Variants in MAP3K5 observed in about 807,000 individuals in gnomAD.
MAP3K5 encodes mitogen-activated protein kinase kinase kinase 5, also known as ASK-1.
A neutral mutation model predicts 158.7 loss-of-function variants in MAP3K5; 56 were observed. That is an observed-to-expected ratio of 0.35 (90% confidence interval 0.28 to 0.44). The LOEUF (loss-of-function observed/expected upper bound fraction) is 0.44. Ranked by LOEUF, MAP3K5 falls within the 20% of genes least tolerant of loss-of-function variation. The probability of loss-of-function intolerance (pLI) is 1.00; values close to 1 mark genes in which losing one functional copy is unlikely to be tolerated. For missense variants in MAP3K5, 1,294 were observed against 1,674.8 expected, an observed-to-expected ratio of 0.77 and a Z score of 3.97; for synonymous variants, 579 against 601.7, an observed-to-expected ratio of 0.96 and a Z score of 0.55.
intron 1 of MAP3K5, among the ~76,000 whole-genome samples, chr6:136,741,252 T>C (rs1782694758): frequency 6.6e-6 from 1 of 152,190 alleles, no homozygotes; most frequent in Non-Finnish European, 1.5e-5. Context: ...CACACGGAGA[T>C]ACTAACCATT....
chr6:136,791,875 A>C lies in MAP3K5; in HGVS notation c.283T>G (p.Tyr95Asp), dbSNP rs1162262085. 6.2e-7 allele frequency: 1 copy of C among 1,613,490 alleles called. No individual in the cohort carries two copies. The highest frequency in any genetic ancestry group is 2.2e-5 in the East Asian group (1 of 44,842). Residue 95 changes from tyrosine to aspartate, a missense_variant, in exon 1 of 30, where the codon TAT becomes GAT. Coordinates refer to ENST00000359015, the MANE Select transcript of MAP3K5 (RefSeq NM_005923.4). ...CCTTGGCTCGCTTCGTTGATCACAT[A>C]TGCCACCGTGGTCCGTCGGCTGCCC... is the stretch of plus-strand genomic sequence containing the variant. Reference protein sequence around the residue: ...GGGSRRTTVAYVINEASQGQL... With the variant: ...GGGSRRTTVADVINEASQGQL...
intron 21 of MAP3K5, among the ~76,000 whole-genome samples, chr6:136,594,707 A>G (rs1266384373): frequency 1.3e-5 from 2 of 152,158 alleles, no homozygotes; most frequent in Admixed American, 1.3e-4. Flanking sequence ...TTCATATTTC[A>G]AAGACAAAAT....
intron 7 of MAP3K5, among the ~76,000 whole-genome samples, chr6:136,692,455 C>T (rs1780428295): frequency 6.6e-6 from 1 of 152,096 alleles, no homozygotes. Flanking sequence ...TCCCTGCAGA[C>T]CAGGGAATGT....
rs763473324 is a variant in MAP3K5, at chr6:136,567,890, T to A, written c.3518-16A>T. The stretch of plus-strand genomic sequence containing the variant: ...GGCCTTAGTTCTGTTTGGCATAATA[T>A]CAGTGGTAGTGTTTATAAAATATGA... On this transcript the variant is annotated splice_polypyrimidine_tract_variant and intron_variant, in intron 25 of 29. Coordinates refer to ENST00000359015, the MANE Select transcript of MAP3K5 (RefSeq NM_005923.4). 6.2e-6 allele frequency: 10 copies of A among 1,611,734 alleles called. No homozygotes were observed. The highest frequency in any genetic ancestry group is 1.6e-4 in the Middle Eastern group (1 of 6,068).
At chr6:136,616,366 G>A (rs1173007348) in intron 15 of MAP3K5, among the ~76,000 whole-genome samples, 2 of 147,806 alleles carry the variant, frequency 1.4e-5, no homozygotes, top group East Asian at 2.0e-4. Context: ...GTGCAATGGC[G>A]TGATCTCAGC....
chr6:136,622,886 G>C lies in MAP3K5; in HGVS notation c.2112C>G (p.Val704=). The change falls in exon 15 of 30, where the codon GTC becomes GTG. Residue 704 remains valine (V), a synonymous_variant. Coordinates refer to ENST00000359015, the MANE Select transcript of MAP3K5 (RefSeq NM_005923.4). ...VYAGRDLSNQ[V]RIAIKEIPER... is the part of the protein sequence containing the mutation. ...CTGGGATTTCCTTAATAGCAATTCT[G>C]ACTTGGTTGCTCAAGTCCCGACCTG... is the stretch of plus-strand genomic sequence containing the variant. The C allele has an allele frequency of 2.5e-6, 4 of 1,592,262 alleles. No individual in the cohort carries two copies. The highest frequency in any genetic ancestry group is 3.4e-6 in the Non-Finnish European group (4 of 1,166,568).
intron 2 of MAP3K5, among the ~76,000 whole-genome samples, chr6:136,706,258 T>G (rs1450054440): frequency 1.3e-5 from 2 of 151,526 alleles, no homozygotes; most frequent in Non-Finnish European, 2.9e-5. Flanking sequence ...AGAGTGAGAC[T>G]CCTCAAAAAA....
At chr6:136,701,319 G>A (rs548995356) in intron 3 of MAP3K5, among the ~76,000 whole-genome samples, 15 of 152,250 alleles carry the variant, frequency 9.9e-5, no homozygotes, top group African/African-American at 3.6e-4. Context: ...CCTTATGACC[G>A]GACTTAATTA....
At chr6:136,619,438 C>T (rs7763893) in intron 15 of MAP3K5, among the ~76,000 whole-genome samples, 19,076 of 152,106 alleles carry the variant, frequency 0.13, 2,618 homozygotes, top group East Asian at 0.32. Flanking sequence ...GATGTTATTT[C>T]TTAGAGCAGT....
chr6:136,730,450 G>A (rs139951187), intron 1 of MAP3K5, among the ~76,000 whole-genome samples: 63 of 152,034 alleles, frequency 4.1e-4, no homozygotes, highest in Admixed American at 3.6e-3. Context: ...GGCTGGGCAC[G>A]GTGACTCACG....
At chr6:136,644,364 T>C (rs376721518) in intron 11 of MAP3K5, among the ~76,000 whole-genome samples, 7 of 152,180 alleles carry the variant, frequency 4.6e-5, no homozygotes, top group African/African-American at 1.4e-4. Flanking sequence ...AGCCAACAGG[T>C]AGTTTAAAGG....
intron 17 of MAP3K5, among the ~76,000 whole-genome samples, chr6:136,612,883 G>A (rs1776404859): frequency 6.6e-6 from 1 of 152,186 alleles, no homozygotes; most frequent in African/African-American, 2.4e-5. Context: ...ATTGTGTGGT[G>A]GGAGCACAAT....
In MAP3K5 at chr6:136,792,164, G is replaced by A. The variant is rs772341365; in HGVS notation, c.-7C>T. 2.6e-6 allele frequency: 4 copies of A among 1,545,526 alleles called. No individual in the cohort carries two copies. The highest frequency in any genetic ancestry group is 2.5e-5 in the East Asian group (1 of 40,486). ...CGTCCGCCTCCGTGCTCATCTCTCCGGGCCGGGCAGCAACGGCGGCGGCGT... is the reference window on the plus strand; with the variant it reads ...CGTCCGCCTCCGTGCTCATCTCTCCAGGCCGGGCAGCAACGGCGGCGGCGT... On this transcript the variant is annotated 5_prime_UTR_variant, in exon 1 of 30. Coordinates refer to ENST00000359015, the MANE Select transcript of MAP3K5 (RefSeq NM_005923.4). The surrounding 1 kb of genome is among the most constrained non-coding windows in gnomAD (Gnocchi z 5.7).
At chr6:136,576,030 G>T (rs1774601478) in intron 25 of MAP3K5, among the ~76,000 whole-genome samples, 1 of 152,028 alleles carries the variant, frequency 6.6e-6, no homozygotes. Context: ...GTGATTTTCT[G>T]TTTTCCTCAT....
At chr6:136,636,305 C>T (rs968318690) in intron 14 of MAP3K5, among the ~76,000 whole-genome samples, 30 of 152,118 alleles carry the variant, frequency 2.0e-4, no homozygotes, top group African/African-American at 7.2e-4. Context: ...AACAGGCCCT[C>T]ACCAGACACT....
intron 3 of MAP3K5, among the ~76,000 whole-genome samples, chr6:136,702,110 T>C (rs1262160788): frequency 1.3e-5 from 2 of 152,064 alleles, no homozygotes; most frequent in Non-Finnish European, 2.9e-5. Flanking sequence ...CTAAGCATGC[T>C]AAGGGTTTTC....
In MAP3K5 at chr6:136,669,278, A is replaced by G. The variant is rs1428873290; in HGVS notation, c.1366+5T>C. ...TTTCCATGTAAAATATCAAGTTGTA[A>G]TTACCAACTTTCCGGAGCTCAAAGG... On this transcript the variant is annotated splice_donor_5th_base_variant and intron_variant, in intron 8 of 29. Transcript: ENST00000359015. 6.3e-7 allele frequency: 1 copy of G among 1,599,226 alleles called. No homozygotes were observed. Among genetic ancestry groups the G allele is most frequent in the Non-Finnish European group, 8.6e-7 (1 of 1,167,056 alleles).
chr6:136,616,411 T>A (rs1274506860), intron 15 of MAP3K5, among the ~76,000 whole-genome samples: 1 of 151,498 alleles, frequency 6.6e-6, no homozygotes, highest in Non-Finnish European at 1.5e-5. Flanking sequence ...TTCAAGTGAT[T>A]CTCCTGCCTC....
intron 1 of MAP3K5, among the ~76,000 whole-genome samples, chr6:136,736,426 G>A (rs1395683551): frequency 6.6e-6 from 1 of 152,114 alleles, no homozygotes; most frequent in South Asian, 2.1e-4. Flanking sequence ...AAATGATTCT[G>A]CCAGTAAATA....
Sources: gnomAD v4.1 joint callset for allele counts (sites outside exome capture counted in the v4.1 genomes callset) on GRCh38, gnomAD v4.1.1 for gene constraint, Gnocchi (gnomAD v3.1) non-coding constraint, MANE v1.5 for transcripts, NCBI Gene and HGNC (gene_info 2026-07-23, HGNC 2026-07-21) for gene names.